The following MEIKIN variants were observed in gnomAD, a reference collection of about 807,000 sequenced individuals.
MEIKIN encodes meiosis-specific kinetochore protein.
At chr5:131,844,859 A>G (rs1020893455) in intron 11 of MEIKIN, among the ~76,000 whole-genome samples, 2 of 152,188 alleles carry the variant, frequency 1.3e-5, no homozygotes, top group African/African-American at 2.4e-5. Flanking sequence ...GTGACTGTGC[A>G]TGTCTAGAAA....
At chr5:131,890,222 T>G (rs920419780) in intron 8 of MEIKIN, among the ~76,000 whole-genome samples, 6 of 152,286 alleles carry the variant, frequency 3.9e-5, no homozygotes, top group South Asian at 2.1e-4. Flanking sequence ...CATAAAATGA[T>G]TTAGGGAGGA....
At chr5:131,926,572 T>C (rs1361538580) in intron 5 of MEIKIN, among the ~76,000 whole-genome samples, 1 of 152,190 alleles carries the variant, frequency 6.6e-6, no homozygotes, top group Non-Finnish European at 1.5e-5. Flanking sequence ...AAGTGTCTTC[T>C]CCTCTTTAAT....
chr5:131,831,245 T>C (rs545105051), intron 11 of MEIKIN, among the ~76,000 whole-genome samples: 1 of 152,314 alleles, frequency 6.6e-6, no homozygotes, highest in South Asian at 2.1e-4. Flanking sequence ...TTCCCATTTA[T>C]ATGAGTCAAT....
chr5:131,887,542 G>C (rs181348209), intron 8 of MEIKIN, among the ~76,000 whole-genome samples: 1 of 152,246 alleles, frequency 6.6e-6, no homozygotes, highest in African/African-American at 2.4e-5. Flanking sequence ...ACTGGTGTGA[G>C]ATGGTAATTC....
intron 11 of MEIKIN, among the ~76,000 whole-genome samples, chr5:131,847,228 CAAATT>C (rs1750036830): frequency 6.6e-6 from 1 of 151,848 alleles, no homozygotes; most frequent in Non-Finnish European, 1.5e-5. Flanking sequence ...TTTAAATAAA[CAAATT>C]AAATTCTCCC....
At chr5:131,808,399 C>G (rs1231069287) in intron 12 of MEIKIN, among the ~76,000 whole-genome samples, 3 of 152,206 alleles carry the variant, frequency 2.0e-5, no homozygotes, top group Admixed American at 2.0e-4. Context: ...ACCTACAGTG[C>G]ATCATTTCTG....
intron 9 of MEIKIN, among the ~76,000 whole-genome samples, chr5:131,871,745 C>G (rs1473240471): frequency 6.6e-6 from 1 of 152,176 alleles, no homozygotes; most frequent in Non-Finnish European, 1.5e-5. Context: ...GGGAGGCACC[C>G]CCCAGTAGGG....
At chr5:131,927,043 T>C (rs1483426358) in intron 5 of MEIKIN, among the ~76,000 whole-genome samples, 1 of 152,232 alleles carries the variant, frequency 6.6e-6, no homozygotes, top group Non-Finnish European at 1.5e-5. Flanking sequence ...TGATAATTTT[T>C]GGCTGTTCAT....
intron 8 of MEIKIN, among the ~76,000 whole-genome samples, chr5:131,893,997 G>A (rs906750396): frequency 2.0e-5 from 3 of 152,158 alleles, no homozygotes; most frequent in Non-Finnish European, 4.4e-5. Flanking sequence ...GAATGGTATT[G>A]CCTAGGTTTT....
At chr5:131,865,011 T>G (rs1438311486) in intron 9 of MEIKIN, among the ~76,000 whole-genome samples, 4 of 152,218 alleles carry the variant, frequency 2.6e-5, no homozygotes, top group Non-Finnish European at 5.9e-5. Flanking sequence ...TGTTGAATCT[T>G]TTGAGTGTAT....
At chr5:131,902,180 C>T (rs770511007) in intron 8 of MEIKIN, among the ~76,000 whole-genome samples, 1 of 152,190 alleles carries the variant, frequency 6.6e-6, no homozygotes, top group East Asian at 1.9e-4. Context: ...TGCTTGCAAT[C>T]CCAGAACTTT....
intron 5 of MEIKIN, among the ~76,000 whole-genome samples, chr5:131,924,000 G>T (rs1399084022): frequency 1.3e-5 from 2 of 152,000 alleles, no homozygotes; most frequent in African/African-American, 4.8e-5. Context: ...TTTCCTGCCA[G>T]TTCCTGTCGA....
intron 8 of MEIKIN, among the ~76,000 whole-genome samples, chr5:131,908,988 T>C (rs1180452082): frequency 1.3e-5 from 2 of 152,182 alleles, no homozygotes; most frequent in Non-Finnish European, 2.9e-5. Context: ...ATTGTAAATA[T>C]GGCCACACTA....
At chr5:131,881,017 A>G (rs1750694234) in intron 8 of MEIKIN, among the ~76,000 whole-genome samples, 1 of 152,204 alleles carries the variant, frequency 6.6e-6, no homozygotes, top group Non-Finnish European at 1.5e-5. Context: ...CCTAGAGACT[A>G]ATCACTCCTG....
intron 8 of MEIKIN, among the ~76,000 whole-genome samples, chr5:131,889,472 C>A (rs968854966): frequency 2.0e-4 from 31 of 152,152 alleles, no homozygotes; most frequent in African/African-American, 4.6e-4. Flanking sequence ...TCTTTGAAGC[C>A]ATTGTGAATG....
At chr5:131,931,571 G>C (rs1423143319) in intron 5 of MEIKIN, among the ~76,000 whole-genome samples, 2 of 152,212 alleles carry the variant, frequency 1.3e-5, no homozygotes, top group East Asian at 3.8e-4. Flanking sequence ...TCAGGGAGAA[G>C]CTGAAAACTG....
At chr5:131,888,267 TC>T (rs1750838408) in intron 8 of MEIKIN, among the ~76,000 whole-genome samples, 1 of 142,310 alleles carries the variant, frequency 7.0e-6, no homozygotes, top group Admixed American at 7.1e-5. Context: ...TAGTTCTAGA[TC>T]CCTGAGGAAT....
intron 9 of MEIKIN, among the ~76,000 whole-genome samples, chr5:131,872,118 C>G (rs1268050147): frequency 6.6e-6 from 1 of 152,218 alleles, no homozygotes; most frequent in Non-Finnish European, 1.5e-5. Context: ...AATGCAGCTC[C>G]TCACCAGCAA....
intron 9 of MEIKIN, among the ~76,000 whole-genome samples, chr5:131,856,026 T>TTTC: frequency 6.6e-6 from 1 of 152,346 alleles, no homozygotes; most frequent in South Asian, 2.1e-4. Context: ...ACTTTCAACC[T>TTTC]TTCTTTCCCT....
Sources: allele counts gnomAD v4.1 joint callset (sites outside exome capture counted in the v4.1 genomes callset), GRCh38; gene constraint gnomAD v4.1.1; transcripts MANE v1.5; gene names NCBI Gene and HGNC (gene_info 2026-07-23, HGNC 2026-07-21).